Variants in FAM184B observed in about 807,000 individuals in gnomAD.
The protein encoded by FAM184B is protein FAM184B.
FAM184B carries 111 observed loss-of-function variants against 135.9 expected under a neutral mutation model. The observed-to-expected ratio is 0.82, with a 90% CI of 0.70 to 0.96. The LOEUF is 0.96. Among genes scored for constraint, FAM184B ranks in the 40% least tolerant of loss-of-function variants. FAM184B has a pLI of 0.00. For missense variants in FAM184B, 1,375 were observed against 1,323.9 expected (o/e 1.04, Z -0.60); for synonymous variants, 552 against 524.8 (o/e 1.05, Z -0.71).
chr4:17,773,845 G>A (rs1037242640), intron 1 of FAM184B, among the ~76,000 whole-genome samples: 1 of 152,192 alleles, frequency 6.6e-6, no homozygotes, highest in African/African-American at 2.4e-5. Context: ...CCGAAGTGCT[G>A]GGATTACAGG....
intron 7 of FAM184B, among the ~76,000 whole-genome samples, chr4:17,674,256 TA>T (rs1716260114): frequency 6.6e-6 from 1 of 152,126 alleles, no homozygotes; most frequent in South Asian, 2.1e-4. Context: ...ACTACCACAA[TA>T]AAGCAAATAT....
intron 1 of FAM184B, among the ~76,000 whole-genome samples, 161 bp from the exon 2 acceptor site, chr4:17,709,805 G>A (rs1717215683): frequency 6.6e-6 from 1 of 152,220 alleles, no homozygotes; most frequent in Admixed American, 6.5e-5. Context: ...GTTCCCAGAA[G>A]AAGCCAGTGA....
chr4:17,781,289 G>A lies in FAM184B; in HGVS notation c.11C>T (p.Ala4Val), dbSNP rs766418246. 7 of 1,537,732 alleles carry A rather than the reference G, an allele frequency of 4.6e-6. No individual in the cohort carries two copies. The East Asian group carries it at 7.4e-5, about 16-fold the overall frequency. MAS[A>V]LNSKINPPGT... Reference sequence around the variant, plus strand: ...GGGCGGGTTAATTTTGCTGTTGAGAGCAGAAGCCATCGCTAAAACGCGCCC... The same window carrying A: ...GGGCGGGTTAATTTTGCTGTTGAGAACAGAAGCCATCGCTAAAACGCGCCC... Residue 4 changes from alanine (A) to valine (V), a missense_variant, in exon 1 of 18, where the codon GCT becomes GTT. Ala to Val is a moderately conservative substitution (Grantham distance 64). Coordinates refer to ENST00000265018, the MANE Select transcript of FAM184B (RefSeq NM_015688.2). The surrounding 1 kb of genome is among the most constrained non-coding windows in gnomAD (Gnocchi z 6.5).
intron 6 of FAM184B, among the ~76,000 whole-genome samples, chr4:17,688,995 G>A (rs146791521): frequency 1.3e-5 from 2 of 151,968 alleles, no homozygotes; most frequent in Non-Finnish European, 2.9e-5. Flanking sequence ...GCCCGGCCTA[G>A]AAATGCCATT....
chr4:17,674,334 T>TA (rs1344999191), intron 7 of FAM184B, among the ~76,000 whole-genome samples: 13 of 152,196 alleles, frequency 8.5e-5, no homozygotes, highest in African/African-American at 3.1e-4. Flanking sequence ...GTTTACACTA[T>TA]ACTATAGTTT....
intron 1 of FAM184B, among the ~76,000 whole-genome samples, chr4:17,738,693 G>A (rs1324445033): frequency 1.3e-5 from 2 of 152,098 alleles, no homozygotes; most frequent in Non-Finnish European, 2.9e-5. Context: ...TTGGATGCTT[G>A]TCCCCTCCAA....
At chr4:17,732,990 G>T (rs578189340) in intron 1 of FAM184B, among the ~76,000 whole-genome samples, 59 of 152,304 alleles carry the variant, frequency 3.9e-4, no homozygotes, top group African/African-American at 1.3e-3. Flanking sequence ...TATCCACCAT[G>T]ATCAAGTGGG....
chr4:17,771,862 A>G (rs7691318), intron 1 of FAM184B, among the ~76,000 whole-genome samples: 66,904 of 152,118 alleles, frequency 0.44, 15,078 homozygotes, highest in Middle Eastern at 0.51. Flanking sequence ...GGCTTCAGAT[A>G]TGCCCCGTGT....
intron 5 of FAM184B, among the ~76,000 whole-genome samples, chr4:17,696,537 C>T (rs1003252637): frequency 6.6e-6 from 1 of 152,178 alleles, no homozygotes; most frequent in African/African-American, 2.4e-5. Flanking sequence ...CTGGAACCAT[C>T]GAGTGTGCTC....
Position 17,631,490 on chromosome 4 carries a change from G to A in FAM184B, c.*1042C>T, listed in dbSNP as rs1451507875. 1 of 152,180 alleles carries A rather than the reference G, an allele frequency of 6.6e-6. No homozygotes were observed. Among genetic ancestry groups the A allele is most frequent in the East Asian group, 1.9e-4 (1 of 5,194 alleles). The allele number at this position is 152,180 out of a possible 1,614,324, so 9.4% of individuals were successfully genotyped here. A position where few individuals can be genotyped will look rare whatever the true frequency, so the allele number is the denominator to read the frequency against. ...AGAAGATCTTTGACTTCAAAGAACAGATAATCTAGAGACCTTCACAAGTGA... is the reference window on the plus strand; with the variant it reads ...AGAAGATCTTTGACTTCAAAGAACAAATAATCTAGAGACCTTCACAAGTGA... On this transcript the variant is annotated 3_prime_UTR_variant, in exon 18 of 18. Coordinates refer to ENST00000265018, the MANE Select transcript of FAM184B (RefSeq NM_015688.2).
At chr4:17,754,905 G>C (rs1395018455) in intron 1 of FAM184B, among the ~76,000 whole-genome samples, 4 of 151,854 alleles carry the variant, frequency 2.6e-5, no homozygotes, top group Non-Finnish European at 4.4e-5. Flanking sequence ...ATAGGGTCTG[G>C]CTCTGTCACC....
At chr4:17,743,573 G>C (rs950609946) in intron 1 of FAM184B, among the ~76,000 whole-genome samples, 16 of 152,152 alleles carry the variant, frequency 1.1e-4, no homozygotes, top group African/African-American at 3.9e-4. Context: ...AGCCACTTCA[G>C]AAACAAGAAT....
intron 1 of FAM184B, among the ~76,000 whole-genome samples, chr4:17,741,382 G>A (rs1365242574): frequency 6.6e-6 from 1 of 152,174 alleles, no homozygotes; most frequent in Non-Finnish European, 1.5e-5. Context: ...GGAAAGCGCA[G>A]TCCTGCCCAG....
intron 1 of FAM184B, among the ~76,000 whole-genome samples, chr4:17,756,986 A>T (rs1209224065): frequency 6.6e-6 from 1 of 152,228 alleles, no homozygotes; most frequent in African/African-American, 2.4e-5. Context: ...CTCTAGTGAA[A>T]TGATGGTCAG....
chr4:17,757,342 C>T (rs1192347068), intron 1 of FAM184B, among the ~76,000 whole-genome samples: 3 of 152,104 alleles, frequency 2.0e-5, no homozygotes, highest in African/African-American at 7.2e-5. Context: ...CGTATTGCAA[C>T]ATATAAATCC....
In FAM184B at chr4:17,660,105, C is replaced by A; in HGVS notation, c.1695-18G>T. 3 of 1,550,606 alleles carry A rather than the reference C, an allele frequency of 1.9e-6. 1 individual carries two copies. The South Asian group carries it at 3.6e-5, about 18-fold the overall frequency. On this transcript the variant is annotated intron_variant, in intron 8 of 17. Transcript: ENST00000265018. ...CTTTGGTCCTTTGAAGATAAGGATG[C>A]CACAATCACAAAAGATCCTAGGGCT...
In FAM184B at chr4:17,738,794, T is replaced by C. The variant is rs1008164920; in HGVS notation, c.142-29150A>G. 3.9e-5 allele frequency among the ~76,000 whole-genome samples: 6 copies of C among 152,166 alleles called. 1 individual carries two copies. Among genetic ancestry groups the C allele is most frequent in the African/African-American group, 1.4e-4 (6 of 41,450 alleles). ...AGTGGCTCACTTATGAATGGATTAA[T>C]ACCCCAGGTGGCGGGCACAGTGAGT... On this transcript the variant is annotated intron_variant, in intron 1 of 17. Transcript: ENST00000265018.
chr4:17,773,088 G>T (rs961648463), intron 1 of FAM184B, among the ~76,000 whole-genome samples: 1 of 152,174 alleles, frequency 6.6e-6, no homozygotes, highest in East Asian at 1.9e-4. Flanking sequence ...CACACATCCA[G>T]TGCTGGATTC....
chr4:17,647,932 T>C, intron 11 of FAM184B, 141 bp from the exon 12 acceptor site: 3 of 921,074 alleles, frequency 3.3e-6, no homozygotes. Context: ...CCCAAACCTT[T>C]TCCAAGGTAA....
Sources: allele counts gnomAD v4.1 joint callset (sites outside exome capture counted in the v4.1 genomes callset), GRCh38; gene constraint gnomAD v4.1.1; non-coding constraint Gnocchi (gnomAD v3.1); transcripts MANE v1.5; gene names NCBI Gene and HGNC (gene_info 2026-07-23, HGNC 2026-07-21).